The following CHST9 variants were observed in gnomAD, a reference collection of about 807,000 sequenced individuals.
CHST9 encodes carbohydrate sulfotransferase 9.
Under a neutral mutation model 44.4 loss-of-function variants are expected in CHST9, and 41 were observed. The observed-to-expected ratio is 0.92, with a 90% confidence interval of 0.72 to 1.20. CHST9 has a LOEUF of 1.20. Among genes scored for constraint, CHST9 ranks in the 50% most tolerant of loss-of-function variants. CHST9 has a pLI of 0.00. For missense variants in CHST9, 504 were observed against 516.5 expected, an observed-to-expected ratio of 0.98 and a Z score of 0.23; for synonymous variants, 171 against 178.4, an observed-to-expected ratio of 0.96 and a Z score of 0.33.
At chr18:27,125,373 G>C (rs28626613) in intron 2 of CHST9, among the ~76,000 whole-genome samples, 1,601 of 152,208 alleles carry the variant, frequency 0.011, 24 homozygotes, top group African/African-American at 0.033. Context: ...CATATGGTAC[G>C]TAATAAACAT....
At chr18:27,143,698 A>G (rs1204114251) in intron 1 of CHST9, among the ~76,000 whole-genome samples, 1 of 152,134 alleles carries the variant, frequency 6.6e-6, no homozygotes, top group East Asian at 1.9e-4. Context: ...CAAAGTGTTC[A>G]TGTACCTTCA....
At chr18:26,929,797 G>C (rs2055843598) in intron 5 of CHST9, among the ~76,000 whole-genome samples, 1 of 152,160 alleles carries the variant, frequency 6.6e-6, no homozygotes, top group Non-Finnish European at 1.5e-5. Context: ...AGGCACAAAA[G>C]TAGCAGAATA....
At chr18:27,043,151 C>T (rs1022631531) in intron 3 of CHST9, among the ~76,000 whole-genome samples, 2 of 152,128 alleles carry the variant, frequency 1.3e-5, no homozygotes, top group Non-Finnish European at 2.9e-5. Flanking sequence ...TCTGAGTTAT[C>T]TTACTGTGTT....
intron 2 of CHST9, among the ~76,000 whole-genome samples, chr18:27,088,378 A>G (rs1407283673): frequency 6.6e-6 from 1 of 151,026 alleles, no homozygotes; most frequent in Admixed American, 6.6e-5. Context: ...CTGCATTTCC[A>G]ATTATTAACA....
intron 1 of CHST9, among the ~76,000 whole-genome samples, chr18:27,160,704 C>T (rs1489134695): frequency 6.6e-6 from 1 of 152,188 alleles, no homozygotes; most frequent in Non-Finnish European, 1.5e-5. Context: ...CCTCCTTGTA[C>T]CTCTAGTATA....
At chr18:27,022,876 A>G (rs1463271377) in intron 4 of CHST9, among the ~76,000 whole-genome samples, 2 of 152,242 alleles carry the variant, frequency 1.3e-5, no homozygotes, top group Admixed American at 1.3e-4. Context: ...GTCTCAACTT[A>G]TGGGCTACCA....
At chr18:27,030,074 C>T (rs985226700) in intron 3 of CHST9, among the ~76,000 whole-genome samples, 3 of 152,144 alleles carry the variant, frequency 2.0e-5, no homozygotes, top group African/African-American at 4.8e-5. Context: ...ATGCTTTCTC[C>T]GTTAATTTCC....
intron 4 of CHST9, among the ~76,000 whole-genome samples, chr18:26,950,173 C>T (rs1324119954): frequency 6.6e-6 from 1 of 152,216 alleles, no homozygotes; most frequent in Non-Finnish European, 1.5e-5. Flanking sequence ...GGAAAGCACA[C>T]TGCTGCTGAG....
chr18:27,177,856 T>G (rs1398662257), intron 1 of CHST9, among the ~76,000 whole-genome samples: 1 of 151,958 alleles, frequency 6.6e-6, no homozygotes. Context: ...CTCTATTCCA[T>G]ACAAAAATAA....
intron 1 of CHST9, among the ~76,000 whole-genome samples, chr18:27,150,718 C>T (rs192995287): frequency 1.6e-3 from 237 of 152,242 alleles, no homozygotes; most frequent in African/African-American, 5.2e-3. Flanking sequence ...GACCAGAAAC[C>T]TTCATGTAAC....
At chr18:27,153,557 T>TGA (rs1567940662) in intron 1 of CHST9, among the ~76,000 whole-genome samples, 1 of 135,224 alleles carries the variant, frequency 7.4e-6, no homozygotes. Flanking sequence ...TGTGTGTGTG[T>TGA]GTGTGTGTGT....
intron 2 of CHST9, among the ~76,000 whole-genome samples, chr18:27,084,384 T>C (rs894939924): frequency 6.6e-6 from 1 of 151,918 alleles, no homozygotes; most frequent in Non-Finnish European, 1.5e-5. Flanking sequence ...GGAGTTTGTA[T>C]GTTTCTAGGA....
chr18:27,161,753 C>G (rs1022566512), intron 1 of CHST9, among the ~76,000 whole-genome samples: 1 of 152,030 alleles, frequency 6.6e-6, no homozygotes, highest in African/African-American at 2.4e-5. Flanking sequence ...AAGTCTCTTT[C>G]TAGGTCTCTA....
At chr18:26,927,067 G>A (rs561778449) in intron 5 of CHST9, among the ~76,000 whole-genome samples, 1 of 152,254 alleles carries the variant, frequency 6.6e-6, no homozygotes, top group South Asian at 2.1e-4. Context: ...GTGTCCAAGA[G>A]GGTTTGGAGG....
At position 27,062,983 on chromosome 18, in the gene CHST9, T is replaced by C. The variant is rs78427234; in HGVS notation, c.122-14480A>G. On this transcript the variant is annotated intron_variant, in intron 2 of 5. Transcript: ENST00000618847. ...GCTGCCAGGGCTCTGACACCTCACC[T>C]GGTAGGTCTCTTGCCTCAGGCCCAG... 3.6e-3 allele frequency among the ~76,000 whole-genome samples: 543 copies of C among 152,270 alleles called. 6 individuals carry two copies. Among genetic ancestry groups the C allele is most frequent in the Admixed American group, 0.024 (366 of 15,286 alleles).
chr18:27,018,401 A>G (rs2057179902), intron 4 of CHST9, among the ~76,000 whole-genome samples: 1 of 152,158 alleles, frequency 6.6e-6, no homozygotes, highest in Non-Finnish European at 1.5e-5. Context: ...TTTCTTTGCT[A>G]ATTATTTTCA....
intron 2 of CHST9, among the ~76,000 whole-genome samples, chr18:27,071,987 T>C (rs2057845944): frequency 6.6e-6 from 1 of 152,238 alleles, no homozygotes. Context: ...TATTTGACGG[T>C]GATGCTGTTC....
rs2058800811 is a variant in CHST9, at chr18:27,167,625, C to T, written c.-97+17511G>A. ...TTAGGTATTGGGATACAAAGGTGAG[C>T]AGGAGAAAAGAAAGAAGTTACAACA... On this transcript the variant is annotated intron_variant, in intron 1 of 5. Transcript: ENST00000618847. Among the ~76,000 whole-genome samples, 6 of 152,164 alleles carry T rather than the reference C, an allele frequency of 3.9e-5. No individual in the cohort carries two copies. In the South Asian group the frequency reaches 1.2e-3, roughly 32 times the overall value.
At chr18:27,085,502 C>T (rs1307883573) in intron 2 of CHST9, among the ~76,000 whole-genome samples, 1 of 151,924 alleles carries the variant, frequency 6.6e-6, no homozygotes, top group Non-Finnish European at 1.5e-5. Flanking sequence ...CACAAGTGGT[C>T]AATAAACATG....
Sources: allele counts gnomAD v4.1 joint callset (sites outside exome capture counted in the v4.1 genomes callset), GRCh38; gene constraint gnomAD v4.1.1; transcripts MANE v1.5; gene names NCBI Gene and HGNC (gene_info 2026-07-23, HGNC 2026-07-21).